Variants in HTR1F observed in about 807,000 individuals in gnomAD.
HTR1F encodes the protein 5-hydroxytryptamine receptor 1F.
Under a neutral mutation model 24.0 loss-of-function variants are expected in HTR1F, and 17 were observed. That is an observed-to-expected ratio of 0.71 (90% CI 0.48 to 1.06). The LOEUF (loss-of-function observed/expected upper bound fraction) is 1.06, where lower values mean the gene tolerates loss of function less well. Among genes scored for constraint, HTR1F ranks in the 50% least tolerant of loss-of-function variants. HTR1F has a pLI of 0.00. For synonymous variants in HTR1F, 186 were observed against 156.8 expected, an observed-to-expected ratio of 1.19 and a Z score of -1.39; for missense variants, 391 against 427.8, an observed-to-expected ratio of 0.91 and a Z score of 0.76.
At chr3:87,974,775 G>A (rs1705359658) in intron 2 of HTR1F, among the ~76,000 whole-genome samples, 1 of 152,156 alleles carries the variant, frequency 6.6e-6, no homozygotes, top group African/African-American at 2.4e-5. Flanking sequence ...CTGATTGCAT[G>A]AGCTGCATCT....
chr3:87,931,876 C>A (rs1411701275), intron 2 of HTR1F, among the ~76,000 whole-genome samples: 6 of 150,682 alleles, frequency 4.0e-5, no homozygotes, highest in Admixed American at 3.3e-4. Context: ...ATATCCTTTG[C>A]CCACTTTTTG....
chr3:87,931,026 C>CTTTTTTTTTTTTTTTTTTTTTTCTT (rs34617109), intron 2 of HTR1F, among the ~76,000 whole-genome samples: 122 of 131,522 alleles, frequency 9.3e-4, no homozygotes, highest in Non-Finnish European at 1.4e-3. Context: ...ATAGTCTTTC[C>CTTTTTTTTTTTTTTTTTTTTTTCTT]TTTTTTTTTT....
At chr3:87,982,889 G>A (rs1483357291) in intron 2 of HTR1F, among the ~76,000 whole-genome samples, 1 of 152,158 alleles carries the variant, frequency 6.6e-6, no homozygotes, top group Admixed American at 6.5e-5. Flanking sequence ...ACAGCTCTCT[G>A]AGTCAAGATG....
At chr3:87,977,904 G>A (rs2107506280) in intron 2 of HTR1F, among the ~76,000 whole-genome samples, 1 of 152,254 alleles carries the variant, frequency 6.6e-6, no homozygotes, top group East Asian at 1.9e-4. Flanking sequence ...AGACCCACTG[G>A]ACTTGTTCTT....
At chr3:87,885,833 T>G (rs1705926889) in intron 2 of HTR1F, among the ~76,000 whole-genome samples, 1 of 152,182 alleles carries the variant, frequency 6.6e-6, no homozygotes, top group South Asian at 2.1e-4. Context: ...GGCTCTGAAA[T>G]TGAGGCAATA....
rs144081903 is a variant in HTR1F at position 87,795,622 on chromosome 3, A to G, written c.-160+2780A>G. On this transcript the variant is annotated intron_variant, in intron 1 of 2. Coordinates refer to ENST00000319595, the MANE Select transcript of HTR1F (RefSeq NM_001322209.2). Reference sequence around the variant, plus strand: ...CAGGTCCAGAAACCCCTAGGGAAACATATGTAGTGATCCAACCTAGAACCA... The same window carrying G: ...CAGGTCCAGAAACCCCTAGGGAAACGTATGTAGTGATCCAACCTAGAACCA... 1.1e-4 allele frequency among the ~76,000 whole-genome samples: 16 copies of G among 152,296 alleles called. No individual in the cohort carries two copies. The East Asian group carries it at 2.7e-3, about 26-fold the overall frequency.
At chr3:87,817,564 T>G (rs1243498893) in intron 1 of HTR1F, among the ~76,000 whole-genome samples, 1 of 152,208 alleles carries the variant, frequency 6.6e-6, no homozygotes, top group Non-Finnish European at 1.5e-5. Flanking sequence ...ACTACACTTG[T>G]TGCATTACCG....
intron 2 of HTR1F, among the ~76,000 whole-genome samples, chr3:87,950,697 G>A (rs1293715537): frequency 6.6e-6 from 1 of 152,132 alleles, no homozygotes; most frequent in Non-Finnish European, 1.5e-5. Context: ...AAGAGGAAAG[G>A]GGAGCTTTTA....
chr3:87,958,566 C>T (rs933149606), intron 2 of HTR1F, among the ~76,000 whole-genome samples: 2 of 151,706 alleles, frequency 1.3e-5, no homozygotes, highest in South Asian at 2.1e-4. Context: ...GGAAGCTAAC[C>T]TAGTCTCCAT....
At chr3:87,932,633 C>T (rs1404184817) in intron 2 of HTR1F, among the ~76,000 whole-genome samples, 1 of 152,096 alleles carries the variant, frequency 6.6e-6, no homozygotes, top group East Asian at 1.9e-4. Flanking sequence ...AACACATACA[C>T]TCTCCCAAGA....
Position 87,882,116 on chromosome 3 carries a change from C to T in HTR1F, c.-43+59992C>T, listed in dbSNP as rs1183928843. Among the ~76,000 whole-genome samples the T allele has an allele frequency of 3.9e-5, 6 of 152,304 alleles. No homozygotes were observed. The South Asian group carries it at 1.0e-3, about 26-fold the overall frequency. ...CAAAAGACACATGAAAAAATGGTCA[C>T]CATCACTGTCCATCAGAGAAATGCA... On this transcript the variant is annotated intron_variant, in intron 2 of 2. Transcript: ENST00000319595.
At chr3:87,954,339 A>T (rs1215110263) in intron 2 of HTR1F, among the ~76,000 whole-genome samples, 2 of 151,776 alleles carry the variant, frequency 1.3e-5, no homozygotes, top group Non-Finnish European at 3.0e-5. Flanking sequence ...TATCAATTAA[A>T]AAGTAGGAAG....
chr3:87,985,017 C>T (rs546960890), intron 2 of HTR1F, among the ~76,000 whole-genome samples: 2 of 152,198 alleles, frequency 1.3e-5, no homozygotes, highest in South Asian at 2.1e-4. Context: ...CATTTTGTAA[C>T]ATAATCTTTA....
chr3:87,972,032 T>A (rs1434678949), intron 2 of HTR1F, among the ~76,000 whole-genome samples: 1 of 152,194 alleles, frequency 6.6e-6, no homozygotes, highest in Non-Finnish European at 1.5e-5. Flanking sequence ...GTGCATGCTT[T>A]TCCTCACCCT....
intron 2 of HTR1F, among the ~76,000 whole-genome samples, chr3:87,863,242 T>C (rs1469229963): frequency 3.3e-5 from 5 of 152,216 alleles, no homozygotes; most frequent in Admixed American, 6.6e-5. Flanking sequence ...GGGGTTTTGT[T>C]GGTTTGTTTC....
intron 2 of HTR1F, among the ~76,000 whole-genome samples, chr3:87,914,010 T>A (rs1218584705): frequency 2.0e-5 from 3 of 152,162 alleles, no homozygotes; most frequent in Non-Finnish European, 4.4e-5. Flanking sequence ...GGAAGCGGAT[T>A]GCTCCTGCAG....
rs1271420518 is a variant in HTR1F at position 87,992,423 on chromosome 3, T to C, written c.*573T>C. ...GTCAGAGCTTGAAATTGTCCTTGTGTTTAGGTAGCAAAGAGTAATCATAAA... is the reference window on the plus strand; with the variant it reads ...GTCAGAGCTTGAAATTGTCCTTGTGCTTAGGTAGCAAAGAGTAATCATAAA... On this transcript the variant is annotated 3_prime_UTR_variant, in exon 3 of 3. Transcript: ENST00000319595. 1.2e-5 allele frequency: 2 copies of C among 167,030 alleles called. No individual in the cohort carries two copies. Among genetic ancestry groups the C allele is most frequent in the Non-Finnish European group, 2.9e-5 (2 of 68,090 alleles). The allele number at this position is 167,030 out of a possible 1,614,324, so 10.3% of individuals were successfully genotyped here.
chr3:87,796,123 A>C (rs1350717116), intron 1 of HTR1F, among the ~76,000 whole-genome samples: 2 of 152,168 alleles, frequency 1.3e-5, no homozygotes, highest in Non-Finnish European at 2.9e-5. Context: ...GGCAGTCACT[A>C]GTGTTTGCCA....
chr3:87,933,197 T>C (rs1185266042), intron 2 of HTR1F, among the ~76,000 whole-genome samples: 1 of 152,028 alleles, frequency 6.6e-6, no homozygotes, highest in Non-Finnish European at 1.5e-5. Flanking sequence ...ATTGATTGGA[T>C]GTATCTCAAA....
Sources: allele counts gnomAD v4.1 joint callset (sites outside exome capture counted in the v4.1 genomes callset), GRCh38; gene constraint gnomAD v4.1.1; transcripts MANE v1.5; gene names NCBI Gene and HGNC (gene_info 2026-07-23, HGNC 2026-07-21).